FAM174A: variants seen among roughly 807,000 people sequenced by gnomAD.
FAM174A encodes the protein family with sequence similarity 174 member A.
Under a neutral mutation model 14.3 loss-of-function variants are expected in FAM174A, and 14 were observed. That is an observed-to-expected ratio of 0.98 (90% confidence interval 0.65 to 1.53). FAM174A has a LOEUF of 1.53. FAM174A is among the 40% of genes most tolerant of loss of function. The probability of loss-of-function intolerance (pLI) is 0.00; values close to 1 mark genes in which losing one functional copy is unlikely to be tolerated. For missense variants in FAM174A, 241 were observed against 249.6 expected (o/e 0.97, Z 0.23); for synonymous variants, 108 against 111.4 (o/e 0.97, Z 0.19).
intron 1 of FAM174A, among the ~76,000 whole-genome samples, chr5:100,546,342 T>C (rs1746163472): frequency 6.6e-6 from 1 of 152,136 alleles, no homozygotes; most frequent in Non-Finnish European, 1.5e-5. Context: ...TGACCAGTCC[T>C]AGTCATGAGC....
intron 1 of FAM174A, among the ~76,000 whole-genome samples, chr5:100,556,479 A>G (rs1561316726): frequency 6.6e-6 from 1 of 152,168 alleles, no homozygotes; most frequent in Non-Finnish European, 1.5e-5. Flanking sequence ...TTCTATGAAG[A>G]AAGTCATTGG....
chr5:100,564,683 TAAAAG>T (rs1411123416), intron 2 of FAM174A, among the ~76,000 whole-genome samples: 1 of 151,018 alleles, frequency 6.6e-6, no homozygotes, highest in Non-Finnish European at 1.5e-5. Context: ...AAATCAGAAA[TAAAAG>T]AGAAGAAATT....
At chr5:100,557,038 C>T (rs1366960945) in intron 1 of FAM174A, among the ~76,000 whole-genome samples, 1 of 152,144 alleles carries the variant, frequency 6.6e-6, no homozygotes, top group African/African-American at 2.4e-5. Flanking sequence ...AAAGGGAATG[C>T]TTCCAGTTTT....
intron 2 of FAM174A, among the ~76,000 whole-genome samples, chr5:100,568,417 G>T (rs1746707932): frequency 6.6e-6 from 1 of 151,724 alleles, no homozygotes; most frequent in Middle Eastern, 3.2e-3. Context: ...GGTTGACTTT[G>T]TTTCTGGGCC....
chr5:100,535,465 G>T lies in FAM174A; in HGVS notation c.-66G>T, dbSNP rs1745918642. On this transcript the variant is annotated 5_prime_UTR_variant, in exon 1 of 3. Coordinates refer to ENST00000312637, the MANE Select transcript of FAM174A (RefSeq NM_198507.3). Reference sequence around the variant, plus strand: ...TGCTTCATTCTCCACCGCGCCTATGGTCCCTCTTGGAGCCAGCGTGGCGGG... The same window carrying T: ...TGCTTCATTCTCCACCGCGCCTATGTTCCCTCTTGGAGCCAGCGTGGCGGG... 1 of 1,562,800 alleles carries T rather than the reference G, an allele frequency of 6.4e-7. No homozygotes were observed. Among genetic ancestry groups the T allele is most frequent in the Non-Finnish European group, 8.7e-7 (1 of 1,143,882 alleles).
At chr5:100,575,942 CTTGT>C (rs1253622763) in intron 2 of FAM174A, among the ~76,000 whole-genome samples, 1 of 152,178 alleles carries the variant, frequency 6.6e-6, no homozygotes, top group Non-Finnish European at 1.5e-5. Flanking sequence ...GTGCTGTCTT[CTTGT>C]TTAACTGTTT....
At chr5:100,577,364 C>T (rs1561324153) in intron 2 of FAM174A, among the ~76,000 whole-genome samples, 1 of 152,048 alleles carries the variant, frequency 6.6e-6, no homozygotes, top group Non-Finnish European at 1.5e-5. Context: ...AAATATGTAA[C>T]TTAAAAAGCC....
chr5:100,545,578 C>T (rs1401108426), intron 1 of FAM174A, among the ~76,000 whole-genome samples: 3 of 152,002 alleles, frequency 2.0e-5, no homozygotes, highest in Admixed American at 6.6e-5. Flanking sequence ...TATGGTTTGA[C>T]TTTAGTTATA....
intron 1 of FAM174A, among the ~76,000 whole-genome samples, chr5:100,561,213 TAATG>T (rs1328108161): frequency 6.6e-6 from 1 of 152,022 alleles, no homozygotes; most frequent in African/African-American, 2.4e-5. Flanking sequence ...ATATGGCTAA[TAATG>T]AATGTTAAGC....
chr5:100,566,145 T>TAGATATATATATAG, intron 2 of FAM174A, among the ~76,000 whole-genome samples: 1 of 70,620 alleles, frequency 1.4e-5, no homozygotes, highest in Admixed American at 1.6e-4. Flanking sequence ...AAGTATGATA[T>TAGATATATATATAG]ATATATATAT....
chr5:100,570,727 ATATGC>A (rs1746761180), intron 2 of FAM174A, among the ~76,000 whole-genome samples: 1 of 152,014 alleles, frequency 6.6e-6, no homozygotes, highest in Non-Finnish European at 1.5e-5. Flanking sequence ...ATCCCGGATT[ATATGC>A]ATATAATATA....
chr5:100,546,687 C>T (rs1388933234), intron 1 of FAM174A, among the ~76,000 whole-genome samples: 2 of 152,182 alleles, frequency 1.3e-5, no homozygotes, highest in Non-Finnish European at 2.9e-5. Context: ...TGCACTATCT[C>T]CCTGTGCTAT....
At chr5:100,555,377 C>T (rs1009475104) in intron 1 of FAM174A, among the ~76,000 whole-genome samples, 36 of 152,158 alleles carry the variant, frequency 2.4e-4, no homozygotes, top group African/African-American at 7.9e-4. Context: ...TGAATAGTGT[C>T]GCAATAAACA....
At chr5:100,557,111 C>T (rs1746406459) in intron 1 of FAM174A, among the ~76,000 whole-genome samples, 1 of 152,084 alleles carries the variant, frequency 6.6e-6, no homozygotes, top group Non-Finnish European at 1.5e-5. Context: ...TTTTGAGAAA[C>T]GTCCCATCAG....
intron 2 of FAM174A, among the ~76,000 whole-genome samples, chr5:100,578,917 A>G (rs1746952140): frequency 6.6e-6 from 1 of 151,814 alleles, no homozygotes; most frequent in African/African-American, 2.4e-5. Flanking sequence ...GCTTAGCAGC[A>G]TGCATAGCCC....
intron 2 of FAM174A, among the ~76,000 whole-genome samples, chr5:100,564,441 A>G (rs903624634): frequency 6.6e-6 from 1 of 151,944 alleles, no homozygotes; most frequent in Non-Finnish European, 1.5e-5. Flanking sequence ...AAAGACTTCA[A>G]ATAAACAACC....
chr5:100,558,919 A>G (rs940836772), intron 1 of FAM174A, among the ~76,000 whole-genome samples: 6 of 152,068 alleles, frequency 3.9e-5, no homozygotes, highest in Non-Finnish European at 5.9e-5. Context: ...TTTTAATTGG[A>G]GCATTTAGCC....
chr5:100,571,689 T>TAC (rs1746783631), intron 2 of FAM174A, among the ~76,000 whole-genome samples: 3 of 147,246 alleles, frequency 2.0e-5, no homozygotes, highest in South Asian at 4.2e-4. Flanking sequence ...TATATATATA[T>TAC]ATACACACAC....
At chr5:100,562,457 G>A (rs569618832) in intron 2 of FAM174A, among the ~76,000 whole-genome samples, 10 of 151,880 alleles carry the variant, frequency 6.6e-5, no homozygotes, top group African/African-American at 1.9e-4. Flanking sequence ...AGGGGTACAA[G>A]TGCAGGGTCG....
Sources: gnomAD v4.1 joint callset for allele counts (sites outside exome capture counted in the v4.1 genomes callset) on GRCh38, gnomAD v4.1.1 for gene constraint, MANE v1.5 for transcripts, NCBI Gene and HGNC (gene_info 2026-07-23, HGNC 2026-07-21) for gene names.